The following DGKK variants were observed in gnomAD, a reference collection of about 807,000 sequenced individuals.
The protein encoded by DGKK is 142 kDa diacylglycerol kinase.
DGKK carries 35 observed loss-of-function variants against 92.2 expected under a neutral mutation model. The ratio of observed to expected loss-of-function variants is 0.38; its 90% confidence interval spans 0.29 to 0.50. The LOEUF is 0.50. Among genes scored for constraint, DGKK ranks in the 20% least tolerant of loss-of-function variants. The probability of loss-of-function intolerance (pLI) is 0.92; values close to 1 mark genes in which losing one functional copy is unlikely to be tolerated. For missense variants in DGKK, 910 were observed against 992.2 expected, an observed-to-expected ratio of 0.92 and a Z score of 1.11; for synonymous variants, 368 against 360.6, an observed-to-expected ratio of 1.02 and a Z score of -0.23.
chrX:50,393,594 G>A (rs894084523), intron 8 of DGKK, among the ~76,000 whole-genome samples: 1 of 111,679 alleles, frequency 9.0e-6, no homozygotes, highest in Admixed American at 9.5e-5. Flanking sequence ...ACTGCTAGGG[G>A]TATAGTCCCT....
intron 1 of DGKK, among the ~76,000 whole-genome samples, chrX:50,458,320 C>T (rs1459491997): frequency 1.8e-5 from 2 of 110,167 alleles, no homozygotes; most frequent in African/African-American, 3.3e-5. Flanking sequence ...ACCTGACCCC[C>T]AAAGGCTCTT....
intron 1 of DGKK, among the ~76,000 whole-genome samples, chrX:50,443,206 ATTTGAGGTCACTTTGGGGCTTG>A (rs1569544975): frequency 9.0e-6 from 1 of 110,944 alleles, no homozygotes. Context: ...GGCAGGGATC[ATTTGAGGTCACTTTGGGGCTTG>A]TTTGCCACAA....
chrX:50,459,289 A>G (rs1416337914), intron 1 of DGKK, among the ~76,000 whole-genome samples: 1 of 111,375 alleles, frequency 9.0e-6, no homozygotes, highest in Non-Finnish European at 1.9e-5. Context: ...AGACAAGCAG[A>G]TACTTTGTGA....
Position 50,368,973 on chromosome X carries a change from A to G in DGKK, c.3783T>C (p.Asp1261=). The G allele has an allele frequency of 8.3e-7, 1 of 1,209,875 alleles. No individual in the cohort carries two copies. The highest frequency in any genetic ancestry group is 1.8e-5 in the South Asian group (1 of 56,754). ...RRHREDEAEG[D]DPLTPSRSQL is the part of the protein sequence containing the mutation. ...GAGATCTCGATGGTGTTAGAGGATC[A>G]TCACCCTCTGCTTCATCTTCACGAT... Residue 1261 remains aspartate, a synonymous_variant, in exon 28 of 28, where the codon GAT becomes GAC. Coordinates refer to ENST00000611977, the MANE Select transcript of DGKK (RefSeq NM_001013742.4).
chrX:50,457,657 T>C (rs1158275269), intron 1 of DGKK, among the ~76,000 whole-genome samples: 2 of 111,943 alleles, frequency 1.8e-5, no homozygotes, highest in African/African-American at 3.2e-5. Context: ...TCATGTACAG[T>C]TTATAGTACA....
chrX:50,382,713 C>T, intron 17 of DGKK, 110 bp from the exon 18 acceptor site: 3 of 525,663 alleles, frequency 5.7e-6, no homozygotes, highest in Non-Finnish European at 9.4e-6. Context: ...GGAAGGCCCC[C>T]TCCACACTGG....
chrX:50,418,561 A>G (rs1050300803), intron 4 of DGKK, among the ~76,000 whole-genome samples: 11 of 112,024 alleles, frequency 9.8e-5, no homozygotes, highest in Non-Finnish European at 1.3e-4. Context: ...GATAAGGCAC[A>G]TATGGGAGAA....
At chrX:50,409,346 T>A (rs1925251335) in intron 4 of DGKK, among the ~76,000 whole-genome samples, 2 of 109,308 alleles carry the variant, frequency 1.8e-5, no homozygotes, top group African/African-American at 6.7e-5. Context: ...CTCCCCTAAA[T>A]CTTACAGAGA....
At chrX:50,382,071 G>T (rs1179683972) in intron 18 of DGKK, among the ~76,000 whole-genome samples, 1 of 112,148 alleles carries the variant, frequency 8.9e-6, no homozygotes, top group African/African-American at 3.2e-5. Flanking sequence ...AACGGGTTCA[G>T]GGGAACCAGG....
chrX:50,400,976 C>T, intron 8 of DGKK, 61 bp downstream of exon 8: 2 of 1,051,588 alleles, frequency 1.9e-6, no homozygotes, highest in East Asian at 3.3e-5. Flanking sequence ...TGCTTCTTCC[C>T]AGCCTTTGCA....
chrX:50,432,832 C>T (rs950454139), intron 1 of DGKK, among the ~76,000 whole-genome samples: 3 of 112,142 alleles, frequency 2.7e-5, no homozygotes, highest in African/African-American at 9.7e-5. Flanking sequence ...GGAAGCTTAG[C>T]CTTTAAGCCT....
intron 1 of DGKK, among the ~76,000 whole-genome samples, chrX:50,461,762 G>C (rs906859049): frequency 6.2e-5 from 7 of 112,080 alleles, no homozygotes; most frequent in Admixed American, 1.9e-4. Flanking sequence ...TAGCACATAG[G>C]GAGCAGGTAT....
intron 1 of DGKK, among the ~76,000 whole-genome samples, chrX:50,469,797 C>A (rs190661009): frequency 8.9e-6 from 1 of 112,549 alleles, no homozygotes; most frequent in East Asian, 2.8e-4. Flanking sequence ...ATTCCCACCC[C>A]CTGCTGTCAC....
At chrX:50,437,007 T>C (rs1557230843) in intron 1 of DGKK, among the ~76,000 whole-genome samples, 1 of 111,727 alleles carries the variant, frequency 9.0e-6, no homozygotes. Context: ...GGCATTCTCT[T>C]GGTTAACGAA....
intron 1 of DGKK, among the ~76,000 whole-genome samples, chrX:50,450,073 C>T (rs1926461132): frequency 9.0e-6 from 1 of 111,408 alleles, no homozygotes; most frequent in Admixed American, 9.5e-5. Flanking sequence ...CAAACCCTAT[C>T]CTTGAGGCCA....
chrX:50,411,190 C>T (rs1925295480), intron 4 of DGKK, among the ~76,000 whole-genome samples: 1 of 111,595 alleles, frequency 9.0e-6, no homozygotes, highest in Non-Finnish European at 1.9e-5. Flanking sequence ...CCATCCAACC[C>T]TAGTGTCAGA....
chrX:50,419,932 G>A (rs1602287794), intron 4 of DGKK, among the ~76,000 whole-genome samples: 3 of 112,219 alleles, frequency 2.7e-5, no homozygotes, highest in Non-Finnish European at 5.6e-5. Flanking sequence ...AGTGGTCAAG[G>A]ACATAGGCTT....
chrX:50,436,327 C>T (rs1926024700), intron 1 of DGKK, among the ~76,000 whole-genome samples: 5 of 112,121 alleles, frequency 4.5e-5, no homozygotes, highest in Admixed American at 3.8e-4. Flanking sequence ...GAAAGATAGA[C>T]GCCATGCTAA....
At chrX:50,384,935 C>T in intron 15 of DGKK, 111 bp from the exon 16 acceptor site, 1 of 555,093 alleles carries the variant, frequency 1.8e-6, no homozygotes, top group Non-Finnish European at 2.9e-6. Flanking sequence ...ACTTATTGAA[C>T]ATTTATCGAG....
Sources: allele counts gnomAD v4.1 joint callset (sites outside exome capture counted in the v4.1 genomes callset), GRCh38; gene constraint gnomAD v4.1.1; transcripts MANE v1.5; gene names NCBI Gene and HGNC (gene_info 2026-07-23, HGNC 2026-07-21).